ESRRB: variants seen among roughly 807,000 people sequenced by gnomAD.
The protein encoded by ESRRB is steroid hormone receptor ERR2.
Under a neutral mutation model 46.0 loss-of-function variants are expected in ESRRB, and 16 were observed. The observed-to-expected ratio is 0.35, with a 90% confidence interval of 0.24 to 0.53. The LOEUF is 0.53. Ranked by LOEUF, ESRRB falls within the 20% of genes least tolerant of loss-of-function variation. ESRRB has a pLI of 0.93. For synonymous variants in ESRRB, 246 were observed against 259.6 expected, an observed-to-expected ratio of 0.95 and a Z score of 0.50; for missense variants, 488 against 607.4, an observed-to-expected ratio of 0.80 and a Z score of 2.07.
intron 2 of ESRRB, among the ~76,000 whole-genome samples, chr14:76,445,984 T>C (rs1232389447): frequency 6.6e-6 from 1 of 152,106 alleles, no homozygotes; most frequent in Non-Finnish European, 1.5e-5. Context: ...CTGCGTCCAA[T>C]CCACCAATCT....
chr14:76,443,638 A>C (rs1485325796), intron 2 of ESRRB, among the ~76,000 whole-genome samples: 2 of 152,232 alleles, frequency 1.3e-5, no homozygotes, highest in Non-Finnish European at 2.9e-5. Context: ...GTTAGAAGAC[A>C]GTCACATTTT....
intron 1 of ESRRB, among the ~76,000 whole-genome samples, chr14:76,415,286 A>T (rs1353530442): frequency 1.3e-5 from 2 of 152,216 alleles, no homozygotes; most frequent in African/African-American, 4.8e-5. Context: ...AGGGGTGTGG[A>T]GAGTGAACTT....
intron 2 of ESRRB, among the ~76,000 whole-genome samples, chr14:76,444,084 CAG>C (rs1888031903): frequency 6.6e-6 from 1 of 151,224 alleles, no homozygotes; most frequent in African/African-American, 2.4e-5. Context: ...TTTTTTGAGA[CAG>C]AGTCTCGCTC....
At chr14:76,343,149 C>T (rs4903403) in intron 1 of ESRRB, among the ~76,000 whole-genome samples, 58,785 of 152,000 alleles carry the variant, frequency 0.39, 11,401 homozygotes, top group Admixed American at 0.49. Flanking sequence ...TACAAAAGTC[C>T]GGGTCTTCAG....
intron 5 of ESRRB, among the ~76,000 whole-genome samples, chr14:76,490,761 C>A (rs1890190726): frequency 6.6e-6 from 1 of 152,194 alleles, no homozygotes; most frequent in African/African-American, 2.4e-5. Flanking sequence ...CCGGAACAGG[C>A]CTGCTGGGTC....
At chr14:76,314,422 T>C (rs1883773267) in intron 1 of ESRRB, among the ~76,000 whole-genome samples, 1 of 152,110 alleles carries the variant, frequency 6.6e-6, no homozygotes, top group Admixed American at 6.6e-5. Context: ...GGTGAGAACA[T>C]AGAGATAGGA....
In ESRRB at chr14:76,376,302, C is replaced by A; in HGVS notation, c.-100C>A. 4 of 954,232 alleles carry A rather than the reference C, an allele frequency of 4.2e-6. No homozygotes were observed. Among genetic ancestry groups the A allele is most frequent in the Middle Eastern group, 3.7e-4 (1 of 2,716 alleles). 59.1% of individuals were successfully genotyped at this position (954,232 alleles called of 1,614,324 possible). On this transcript the variant is annotated 5_prime_UTR_variant, in exon 1 of 7. Coordinates refer to ENST00000644823, the MANE Select transcript of ESRRB (RefSeq NM_001379180.1). This position sits in a 1 kb window ranked among gnomAD's most constrained non-coding sequence, Gnocchi z 4.1. Reference sequence around the variant, plus strand: ...ACTCTGCGTTCTCGCGCTCACTGTGCCCTGCCCGGGCTCGCACCTTGCCCG... The same window carrying A: ...ACTCTGCGTTCTCGCGCTCACTGTGACCTGCCCGGGCTCGCACCTTGCCCG...
intron 1 of ESRRB, among the ~76,000 whole-genome samples, chr14:76,390,261 G>A (rs897214219): frequency 6.6e-6 from 1 of 152,194 alleles, no homozygotes; most frequent in African/African-American, 2.4e-5. Context: ...GGCTGAGGTG[G>A]GCAGATCATT....
intron 1 of ESRRB, among the ~76,000 whole-genome samples, chr14:76,407,957 G>A (rs1328228600): frequency 6.6e-6 from 1 of 152,216 alleles, no homozygotes; most frequent in African/African-American, 2.4e-5. Context: ...GCCGGGTCCT[G>A]GCAGCCCAGC....
In ESRRB at chr14:76,437,066, C is replaced by T. The variant is rs181049369; in HGVS notation, c.51-2275C>T. Among the ~76,000 whole-genome samples the T allele has an allele frequency of 5.3e-5, 8 of 152,236 alleles. No individual in the cohort carries two copies. The East Asian group carries it at 1.5e-3, about 29-fold the overall frequency. ...TCAATTTTTGAGACAGAGTCTTGCT[C>T]TGTCTCCCGGGCTAGAGTGCAGTAG... On this transcript the variant is annotated intron_variant, in intron 1 of 6. Transcript: ENST00000644823.
intron 1 of ESRRB, among the ~76,000 whole-genome samples, chr14:76,318,840 G>A (rs924833226): frequency 5.9e-5 from 9 of 152,174 alleles, no homozygotes; most frequent in South Asian, 4.1e-4. Context: ...AGAGTCCCCC[G>A]GACAGCTTGC....
At chr14:76,391,725 C>T (rs1481500781) in intron 1 of ESRRB, among the ~76,000 whole-genome samples, 2 of 152,234 alleles carry the variant, frequency 1.3e-5, no homozygotes, top group African/African-American at 2.4e-5. Context: ...AGTTTAGATA[C>T]ATTTTGAGAA....
chr14:76,474,915 C>T (rs570139098), intron 3 of ESRRB, among the ~76,000 whole-genome samples: 7 of 151,086 alleles, frequency 4.6e-5, no homozygotes, highest in Admixed American at 1.3e-4. Flanking sequence ...TAGTGAGATC[C>T]CCCATCTACC....
intron 1 of ESRRB, among the ~76,000 whole-genome samples, chr14:76,354,397 C>G (rs1299287025): frequency 6.6e-6 from 1 of 152,058 alleles, no homozygotes. Flanking sequence ...AGTGCTCCTG[C>G]GATGAAGCCA....
chr14:76,356,647 C>G (rs998574789), intron 1 of ESRRB, among the ~76,000 whole-genome samples: 1 of 152,194 alleles, frequency 6.6e-6, no homozygotes, highest in Non-Finnish European at 1.5e-5. Context: ...CTTTTTAGAC[C>G]TCCCCACTCT....
chr14:76,348,047 C>A (rs537126680), intron 1 of ESRRB, among the ~76,000 whole-genome samples: 1 of 152,248 alleles, frequency 6.6e-6, no homozygotes, highest in East Asian at 1.9e-4. Context: ...TTCTTTTGTT[C>A]AGTATCCTTC....
chr14:76,456,272 A>T (rs941084691), intron 2 of ESRRB, among the ~76,000 whole-genome samples: 1 of 152,096 alleles, frequency 6.6e-6, no homozygotes, highest in Non-Finnish European at 1.5e-5. Flanking sequence ...ATTCTCTGAG[A>T]CAGTTCCCAC....
chr14:76,351,241 C>T (rs927429269), intron 1 of ESRRB, among the ~76,000 whole-genome samples: 1 of 152,208 alleles, frequency 6.6e-6, no homozygotes, highest in Non-Finnish European at 1.5e-5. Flanking sequence ...AAGTACCACA[C>T]ACTGAGTGGC....
intron 1 of ESRRB, among the ~76,000 whole-genome samples, chr14:76,358,481 G>A (rs1246227369): frequency 6.6e-6 from 1 of 151,378 alleles, no homozygotes; most frequent in African/African-American, 2.5e-5. Flanking sequence ...GCATGAGCTG[G>A]GGTGCTGCAG....
Sources: gnomAD v4.1 joint callset for allele counts (sites outside exome capture counted in the v4.1 genomes callset) on GRCh38, gnomAD v4.1.1 for gene constraint, Gnocchi (gnomAD v3.1) non-coding constraint, MANE v1.5 for transcripts, NCBI Gene and HGNC (gene_info 2026-07-23, HGNC 2026-07-21) for gene names.